The following NRXN3 variants were observed in gnomAD, a reference collection of about 807,000 sequenced individuals.
The protein encoded by NRXN3 is neurexin III.
In NRXN3, 32 loss-of-function variants were observed where a neutral mutation model predicts 137.6. The ratio of observed to expected loss-of-function variants is 0.23; its 90% CI spans 0.18 to 0.31. The LOEUF (loss-of-function observed/expected upper bound fraction) is 0.31. Among genes scored for constraint, NRXN3 ranks in the 10% least tolerant of loss-of-function variants. The pLI is 1.00. For synonymous variants in NRXN3, 798 were observed against 784.5 expected (o/e 1.02, Z -0.29); for missense variants, 1,574 against 2,062.5 (o/e 0.76, Z 4.59).
chr14:78,937,851 C>T (rs999053472), intron 10 of NRXN3, among the ~76,000 whole-genome samples: 3 of 152,232 alleles, frequency 2.0e-5, no homozygotes. Context: ...AAAAACCTGA[C>T]TGCTTAAAAT....
In NRXN3 at chr14:79,596,418, A is replaced by G. The variant is rs541971439; in HGVS notation, c.3445-67360A>G. Among the ~76,000 whole-genome samples, 3 of 152,310 alleles carry G rather than the reference A, an allele frequency of 2.0e-5. No homozygotes were observed. The South Asian group carries it at 6.2e-4, about 32-fold the overall frequency. On this transcript the variant is annotated intron_variant, in intron 16 of 20. Transcript: ENST00000335750. ...ATTTAAAAGAATCAAGAAATATGAT[A>G]ATGCCTAGTATATAACAGGCCCTCA...
chr14:78,860,876 C>T (rs929445320), intron 10 of NRXN3, among the ~76,000 whole-genome samples: 7 of 151,684 alleles, frequency 4.6e-5, no homozygotes, highest in African/African-American at 1.7e-4. Flanking sequence ...GAAGGAGAGG[C>T]GAAGGAGGCA....
chr14:78,951,940 T>A (rs564095569), intron 10 of NRXN3, among the ~76,000 whole-genome samples: 2 of 152,136 alleles, frequency 1.3e-5, no homozygotes, highest in South Asian at 4.1e-4. Flanking sequence ...GCAGTCTCAA[T>A]GGTATGTTTG....
intron 4 of NRXN3, among the ~76,000 whole-genome samples, chr14:78,312,748 C>T (rs1345767317): frequency 3.9e-5 from 6 of 152,040 alleles, no homozygotes; most frequent in African/African-American, 1.2e-4. Context: ...TGCAGGAAAT[C>T]GGTTCTTAAA....
At chr14:78,824,491 G>T (rs566037203) in intron 10 of NRXN3, among the ~76,000 whole-genome samples, 37 of 152,234 alleles carry the variant, frequency 2.4e-4, no homozygotes, top group Non-Finnish European at 4.4e-4. Context: ...ATTAACAATT[G>T]TAAGTTTAAT....
At chr14:78,802,254 G>C (rs1272023650) in intron 8 of NRXN3, among the ~76,000 whole-genome samples, 2 of 152,116 alleles carry the variant, frequency 1.3e-5, no homozygotes, top group African/African-American at 4.8e-5. Context: ...GTGTGACTTT[G>C]GGATGATAAC....
intron 15 of NRXN3, among the ~76,000 whole-genome samples, chr14:79,269,543 A>G (rs2076270215): frequency 6.6e-6 from 1 of 152,142 alleles, no homozygotes; most frequent in South Asian, 2.1e-4. Context: ...GCGACTGAGG[A>G]GAGATGGCCT....
chr14:79,768,769 C>T (rs985484724), intron 19 of NRXN3, among the ~76,000 whole-genome samples: 1 of 152,196 alleles, frequency 6.6e-6, no homozygotes, highest in Non-Finnish European at 1.5e-5. Flanking sequence ...CAAAGCTGGA[C>T]AGAGAATGAC....
intron 15 of NRXN3, among the ~76,000 whole-genome samples, chr14:79,100,933 T>C (rs927431957): frequency 2.0e-5 from 3 of 152,222 alleles, no homozygotes; most frequent in Non-Finnish European, 4.4e-5. Flanking sequence ...ATAGATCTTA[T>C]GGATTGATGT....
chr14:79,830,765 C>A (rs1472142008), intron 20 of NRXN3, among the ~76,000 whole-genome samples: 3 of 152,184 alleles, frequency 2.0e-5, no homozygotes, highest in African/African-American at 7.2e-5. Flanking sequence ...ATGGACTAAA[C>A]TACCTTGTTC....
chr14:79,567,470 G>A (rs1330973096), intron 16 of NRXN3, among the ~76,000 whole-genome samples: 1 of 152,024 alleles, frequency 6.6e-6, no homozygotes. Context: ...TAGAGGTGAT[G>A]TTAGCCCTTA....
intron 4 of NRXN3, among the ~76,000 whole-genome samples, chr14:78,440,743 A>C (rs2094217014): frequency 6.6e-6 from 1 of 151,984 alleles, no homozygotes; most frequent in Admixed American, 6.6e-5. Context: ...GGAGAGAGCC[A>C]GGAGGAGGTG....
At chr14:78,656,988 A>G (rs1191917056) in intron 6 of NRXN3, among the ~76,000 whole-genome samples, 1 of 135,446 alleles carries the variant, frequency 7.4e-6, no homozygotes, top group Non-Finnish European at 1.5e-5. Context: ...GGCAGCTTGC[A>G]GTGAGCCGAG....
At chr14:78,868,522 T>C (rs2099093109) in intron 10 of NRXN3, among the ~76,000 whole-genome samples, 1 of 152,024 alleles carries the variant, frequency 6.6e-6, no homozygotes, top group Non-Finnish European at 1.5e-5. Context: ...AGCCACAATA[T>C]TTCTACTTGA....
intron 19 of NRXN3, among the ~76,000 whole-genome samples, chr14:79,707,258 A>C (rs1217441383): frequency 6.6e-6 from 1 of 152,244 alleles, no homozygotes. Flanking sequence ...GTGTTAAACG[A>C]ATGAAAGTAA....
At chr14:79,423,503 T>C (rs1218010157) in intron 15 of NRXN3, among the ~76,000 whole-genome samples, 1 of 152,352 alleles carries the variant, frequency 6.6e-6, no homozygotes, top group East Asian at 1.9e-4. Flanking sequence ...GACTAGTTGA[T>C]GCCTAGGACC....
chr14:79,377,120 C>G (rs1299124293), intron 15 of NRXN3, among the ~76,000 whole-genome samples: 1 of 152,202 alleles, frequency 6.6e-6, no homozygotes, highest in Non-Finnish European at 1.5e-5. Context: ...CACAGGATTC[C>G]TGGCTTCCAG....
intron 15 of NRXN3, among the ~76,000 whole-genome samples, chr14:79,290,395 A>G (rs1762268676): frequency 6.6e-6 from 1 of 152,152 alleles, no homozygotes; most frequent in Admixed American, 6.5e-5. Context: ...CACCTTTGTC[A>G]TCTGTGGTGT....
chr14:78,690,796 G>A (rs1175286990), intron 6 of NRXN3, among the ~76,000 whole-genome samples: 3 of 152,148 alleles, frequency 2.0e-5, no homozygotes, highest in African/African-American at 4.8e-5. Flanking sequence ...TTTGCTTTTA[G>A]GCAGGTTGAT....
Sources: gnomAD v4.1 joint callset for allele counts (sites outside exome capture counted in the v4.1 genomes callset) on GRCh38, gnomAD v4.1.1 for gene constraint, MANE v1.5 for transcripts, NCBI Gene and HGNC (gene_info 2026-07-23, HGNC 2026-07-21) for gene names.